Variants in USP47 observed in about 807,000 individuals in gnomAD.
USP47 encodes the protein ubiquitin specific peptidase 47.
A neutral mutation model predicts 165.1 loss-of-function variants in USP47; 35 were observed. The ratio of observed to expected loss-of-function variants is 0.21; its 90% CI spans 0.16 to 0.28. USP47 has a LOEUF of 0.28. Ranked by LOEUF, USP47 falls within the 10% of genes least tolerant of loss-of-function variation. The probability of loss-of-function intolerance (pLI) is 1.00; values close to 1 mark genes in which losing one functional copy is unlikely to be tolerated. For missense variants in USP47, 1,277 were observed against 1,607.4 expected, an observed-to-expected ratio of 0.79 and a Z score of 3.52; for synonymous variants, 531 against 544.5, an observed-to-expected ratio of 0.98 and a Z score of 0.35.
chr11:11,886,803 A>C (rs1324405469), intron 3 of USP47, among the ~76,000 whole-genome samples: 1 of 152,184 alleles, frequency 6.6e-6, no homozygotes, highest in East Asian at 1.9e-4. Flanking sequence ...AGACTCTCCA[A>C]GGTCAAAATG....
chr11:11,931,338 TACTC>T (rs1157822869), intron 14 of USP47, among the ~76,000 whole-genome samples: 4 of 152,160 alleles, frequency 2.6e-5, no homozygotes, highest in African/African-American at 9.7e-5. Context: ...GCTTAGGACT[TACTC>T]ATCTTTTCAC....
chr11:11,903,150 T>C lies in USP47; in HGVS notation c.740-113T>C. 3.9e-6 allele frequency: 4 copies of C among 1,019,010 alleles called. No homozygotes were observed. The South Asian group carries it at 8.1e-5, about 21-fold the overall frequency. 63.1% of individuals were successfully genotyped at this position (1,019,010 alleles called of 1,614,324 possible). On this transcript the variant is annotated intron_variant, in intron 6 of 27. Coordinates refer to ENST00000527733, the MANE Select transcript of USP47 (RefSeq NM_001282659.2). ...TATATTCTTATGTTCTTTTTTAAAT[T>C]TGGCATTATTTAAGGTAGACTTCAA...
chr11:11,945,177 G>C (rs923812066), intron 20 of USP47, among the ~76,000 whole-genome samples: 3 of 152,146 alleles, frequency 2.0e-5, no homozygotes, highest in African/African-American at 7.2e-5. Context: ...CTCATGTTTA[G>C]AAAACTGGTT....
intron 4 of USP47, among the ~76,000 whole-genome samples, chr11:11,895,810 G>A (rs1335344708): frequency 6.6e-6 from 1 of 152,026 alleles, no homozygotes; most frequent in African/African-American, 2.4e-5. Flanking sequence ...ACTTCACTGG[G>A]CCTGTTTGAT....
intron 1 of USP47, among the ~76,000 whole-genome samples, chr11:11,865,489 CTT>C (rs1428568770): frequency 1.3e-5 from 2 of 152,014 alleles, no homozygotes; most frequent in African/African-American, 2.4e-5. Flanking sequence ...TTTGCTGAGA[CTT>C]TCTGTTTTTT....
Position 11,853,983 on chromosome 11 carries a change from A to C in USP47, c.39+11759A>C, listed in dbSNP as rs889528342. Among the ~76,000 whole-genome samples the C allele has an allele frequency of 2.0e-5, 3 of 151,968 alleles. No homozygotes were observed. The South Asian group carries it at 6.3e-4, about 32-fold the overall frequency. ...CTACTAAAATAAAATAAAATAAAAA[A>C]AATTAGCCGGGTGTGGTGGTGGGCG... On this transcript the variant is annotated intron_variant, in intron 1 of 27. Coordinates refer to ENST00000527733, the MANE Select transcript of USP47 (RefSeq NM_001282659.2).
intron 8 of USP47, among the ~76,000 whole-genome samples, chr11:11,907,938 A>C (rs1163571554): frequency 6.6e-6 from 1 of 152,104 alleles, no homozygotes; most frequent in East Asian, 1.9e-4. Flanking sequence ...TCTACTAAAA[A>C]TTAGCTGGGC....
chr11:11,948,677 G>T, intron 22 of USP47, 119 bp downstream of exon 22: 1 of 889,064 alleles, frequency 1.1e-6, no homozygotes, highest in Non-Finnish European at 1.7e-6. Context: ...ATTTTTTCTG[G>T]GCCTTGCAGT....
Position 11,936,446 on chromosome 11 carries a change from T to C in USP47, c.2013T>C (p.Tyr671=), listed in dbSNP as rs1855077339. 6.2e-7 allele frequency: 1 copy of C among 1,609,508 alleles called. No homozygotes were observed. Residue 671 remains tyrosine (Y), a synonymous_variant, in exon 17 of 28, where the codon TAT becomes TAC. Transcript: ENST00000527733. ...GLLLGGVKST[Y]MFDLLLETRK... is the part of the protein sequence containing the mutation. ...TACTAGGTGGCGTCAAGTCAACATA[T>C]ATGTTTGATCTGCTGTTGGAGACGA...
intron 7 of USP47, among the ~76,000 whole-genome samples, chr11:11,903,685 T>TTA (rs1852368727): frequency 6.6e-6 from 1 of 152,184 alleles, no homozygotes; most frequent in African/African-American, 2.4e-5. Flanking sequence ...GTAAATTATA[T>TTA]GTTTTGTAAT....
At chr11:11,917,531 A>C (rs1853514749) in intron 8 of USP47, among the ~76,000 whole-genome samples, 1 of 151,820 alleles carries the variant, frequency 6.6e-6, no homozygotes, top group Non-Finnish European at 1.5e-5. Flanking sequence ...CACTTTTTAG[A>C]AGGGGGAGAG....
chr11:11,873,052 A>G (rs1850171397), intron 1 of USP47, among the ~76,000 whole-genome samples: 1 of 152,192 alleles, frequency 6.6e-6, no homozygotes, highest in Admixed American at 6.5e-5. Context: ...TTATATGTGC[A>G]TAGACTGGAG....
chr11:11,941,414 G>A (rs990584426), intron 19 of USP47, among the ~76,000 whole-genome samples: 9 of 151,944 alleles, frequency 5.9e-5, no homozygotes, highest in African/African-American at 2.2e-4. Flanking sequence ...TAATGATAGT[G>A]TTATCCTTTT....
Position 11,902,869 on chromosome 11 carries a change from T to A in USP47, c.739+9T>A. On this transcript the variant is annotated intron_variant, in intron 6 of 27. Transcript: ENST00000527733. ...ATGGGATAGTAGTGAGGGTACTAATTCTCTTGTAATGATAAGCGTTCTAAT... is the reference window on the plus strand; with the variant it reads ...ATGGGATAGTAGTGAGGGTACTAATACTCTTGTAATGATAAGCGTTCTAAT... The A allele has an allele frequency of 6.4e-7, 1 of 1,551,324 alleles. No homozygotes were observed. The highest frequency in any genetic ancestry group is 1.3e-5 in the South Asian group (1 of 77,242).
rs1852309546 is a variant in USP47, at chr11:11,902,742, T to C, written c.621T>C (p.Asp207=). 6.3e-7 allele frequency: 1 copy of C among 1,577,398 alleles called. No individual in the cohort carries two copies. The highest frequency in any genetic ancestry group is 1.3e-5 in the African/African-American group (1 of 74,128). ...YKWEFEESEE[D]PVTSIPYQLQ... ...GGGAATTTGAAGAATCTGAAGAAGA[T>C]CCAGTGACAAGTATTCCATACCAAC... The change falls in exon 6 of 28, where the codon GAT becomes GAC. Residue 207 remains aspartate (D), a synonymous_variant. Coordinates refer to ENST00000527733, the MANE Select transcript of USP47 (RefSeq NM_001282659.2).
rs762953605 is a variant in USP47 at position 11,940,539 on chromosome 11, A to C, written c.2304A>C (p.Arg768Ser). 3 of 1,611,340 alleles carry C rather than the reference A, an allele frequency of 1.9e-6. No homozygotes were observed. The highest frequency in any genetic ancestry group is 2.5e-6 in the Non-Finnish European group (3 of 1,178,224). The change falls in exon 19 of 28, where the codon AGA becomes AGC. Residue 768 changes from arginine to serine, a missense_variant. Around this residue, in one of 4 missense-constraint regions of USP47, gnomAD observed 909 missense variants for 1,068.1 expected, o/e 0.85. Coordinates refer to ENST00000527733, the MANE Select transcript of USP47 (RefSeq NM_001282659.2). ...SKTLKAEGFF[R>S]SNKVFVESSE... ...CCCTGAAAGCTGAAGGATTTTTTAGAAGTAACAAGGTATGTCATTTACTTT... is the reference window on the plus strand; with the variant it reads ...CCCTGAAAGCTGAAGGATTTTTTAGCAGTAACAAGGTATGTCATTTACTTT...
Position 11,880,367 on chromosome 11 carries a change from A to G in USP47, c.230A>G (p.Asn77Ser). The G allele has an allele frequency of 7.6e-7, 1 of 1,317,304 alleles. No homozygotes were observed. Among genetic ancestry groups the G allele is most frequent in the South Asian group, 2.3e-5 (1 of 43,488 alleles). 81.6% of individuals were successfully genotyped at this position (1,317,304 alleles called of 1,614,324 possible). A position where few individuals can be genotyped will look rare whatever the true frequency, so the allele number is the denominator to read the frequency against. The change falls in exon 2 of 28, where the codon AAT becomes AGT. Residue 77 changes from asparagine to serine, a missense_variant. By Grantham distance (46) the Asn-to-Ser change is conservative. Coordinates refer to ENST00000527733, the MANE Select transcript of USP47 (RefSeq NM_001282659.2). ...GACTTGGTGTGGGGAAATGGAATCA[A>G]TACTGCTGATATGGTAAAATCCTAG... ...TFDLVWGNGI[N>S]TADMAPLDHT...
chr11:11,846,854 A>C (rs1055474025), intron 1 of USP47, among the ~76,000 whole-genome samples: 4 of 152,094 alleles, frequency 2.6e-5, no homozygotes, highest in Non-Finnish European at 4.4e-5. Flanking sequence ...TGCAATTGTC[A>C]TTCTTGATTT....
intron 19 of USP47, among the ~76,000 whole-genome samples, chr11:11,941,321 G>A (rs1241875754): frequency 3.0e-5 from 3 of 100,624 alleles, no homozygotes; most frequent in African/African-American, 4.6e-5. Flanking sequence ...TTACTTTAGG[G>A]TAAGAAGTGC....
Sources: gnomAD v4.1 joint callset for allele counts (sites outside exome capture counted in the v4.1 genomes callset) on GRCh38, gnomAD v4.1.1 for gene constraint, gnomAD v4.1.1 regional missense constraint, MANE v1.5 for transcripts, NCBI Gene and HGNC (gene_info 2026-07-23, HGNC 2026-07-21) for gene names.